FARP1: variants seen among roughly 807,000 people sequenced by gnomAD.
FARP1 encodes the protein FERM, ARH/RhoGEF and pleckstrin domain protein 1.
Under a neutral mutation model 128.8 loss-of-function variants are expected in FARP1, and 52 were observed. The observed-to-expected ratio is 0.40, with a 90% CI of 0.32 to 0.51. The LOEUF is 0.51. FARP1 is among the 20% of genes least tolerant of loss of function. The pLI is 0.45. For synonymous variants in FARP1, 580 were observed against 551.8 expected (o/e 1.05, Z -0.72); for missense variants, 1,333 against 1,367.9 (o/e 0.97, Z 0.40).
chr13:98,232,475 T>C (rs9554453), intron 2 of FARP1, among the ~76,000 whole-genome samples: 26,033 of 152,174 alleles, frequency 0.17, 5,488 homozygotes, highest in East Asian at 0.5. Flanking sequence ...TTGCAGATAT[T>C]GCGTTTTTTA....
At chr13:98,207,974 A>G (rs1880393444) in intron 1 of FARP1, among the ~76,000 whole-genome samples, 1 of 141,008 alleles carries the variant, frequency 7.1e-6, no homozygotes, top group Admixed American at 7.4e-5. Flanking sequence ...ACACACTTTG[A>G]TTCATTGGCC....
intron 2 of FARP1, 28 bp from the exon 3 acceptor site, chr13:98,343,734 G>T: frequency 6.6e-7 from 1 of 1,522,350 alleles, no homozygotes; most frequent in East Asian, 2.2e-5. Context: ...CCTGCCTCAG[G>T]GATAACCCCT....
At chr13:98,187,329 C>T (rs1566718101) in intron 1 of FARP1, among the ~76,000 whole-genome samples, 1 of 151,982 alleles carries the variant, frequency 6.6e-6, no homozygotes, top group East Asian at 1.9e-4. Context: ...ATGTGATAGC[C>T]CAATTAAGAG....
intron 25 of FARP1, chr13:98,446,414 C>T: frequency 1.7e-6 from 1 of 602,044 alleles, no homozygotes; most frequent in Non-Finnish European, 2.9e-6. Flanking sequence ...AACTTCTGCC[C>T]TAGGAAGGGC....
At chr13:98,423,031 T>A (rs1316439064) in intron 16 of FARP1, among the ~76,000 whole-genome samples, 1 of 152,182 alleles carries the variant, frequency 6.6e-6, no homozygotes, top group Non-Finnish European at 1.5e-5. Flanking sequence ...GCTGAAGAAC[T>A]TGGGGTCTGA....
At position 98,409,950 on chromosome 13, in the gene FARP1, T is replaced by A. The variant is rs537498281; in HGVS notation, c.1602+425T>A. Among the ~76,000 whole-genome samples the A allele has an allele frequency of 1.1e-4, 16 of 152,378 alleles. No homozygotes were observed. The South Asian group carries it at 3.3e-3, about 32-fold the overall frequency. ...TGAGAATTGCCTGCCATTTGAGGGC[T>A]GAGTGATGTCCCGCTGTGTGTATAA... On this transcript the variant is annotated intron_variant, in intron 14 of 26. Transcript: ENST00000319562.
chr13:98,395,352 G>C lies in FARP1; in HGVS notation c.1290G>C (p.Pro430=). ...GEPGSHPSPA[P]RRSPAGNKQA... ...CGGGGTCGCACCCGAGCCCTGCGCC[G>C]AGGAGAAGCCCCGCGGGTAACAAGC... Residue 430 remains proline, a synonymous_variant, in exon 13 of 27, where the codon CCG becomes CCC. Coordinates refer to ENST00000319562, the MANE Select transcript of FARP1 (RefSeq NM_005766.4). 6.2e-7 allele frequency: 1 copy of C among 1,611,708 alleles called. No individual in the cohort carries two copies. The highest frequency in any genetic ancestry group is 8.5e-7 in the Non-Finnish European group (1 of 1,178,960).
intron 2 of FARP1, among the ~76,000 whole-genome samples, chr13:98,325,980 T>C (rs141449438): frequency 2.0e-5 from 3 of 152,348 alleles, no homozygotes; most frequent in Non-Finnish European, 4.4e-5. Context: ...TAGAGGGACA[T>C]TGAGTGAAAA....
At chr13:98,204,237 T>C (rs912729920) in intron 1 of FARP1, 36 of 152,262 alleles carry the variant, frequency 2.4e-4, no homozygotes, top group African/African-American at 8.0e-4. Flanking sequence ...TCTGTCTTTT[T>C]TGTTATAACC....
At chr13:98,275,682 ATTAG>A (rs1350821446) in intron 2 of FARP1, among the ~76,000 whole-genome samples, 9 of 148,278 alleles carry the variant, frequency 6.1e-5, no homozygotes, top group African/African-American at 1.8e-4. Context: ...GATTGTGACA[ATTAG>A]TTAGTATATA....
intron 1 of FARP1, among the ~76,000 whole-genome samples, chr13:98,189,138 T>G (rs1879071395): frequency 6.6e-6 from 1 of 152,124 alleles, no homozygotes; most frequent in African/African-American, 2.4e-5. Context: ...AATGTACTCC[T>G]TAACAAGGAG....
At chr13:98,247,463 T>A (rs990729350) in intron 2 of FARP1, among the ~76,000 whole-genome samples, 31 of 152,080 alleles carry the variant, frequency 2.0e-4, no homozygotes, top group African/African-American at 7.5e-4. Flanking sequence ...GACACCCCAG[T>A]ATGACTGGCT....
chr13:98,177,399 G>T (rs1394751141), intron 1 of FARP1: 2 of 553,340 alleles, frequency 3.6e-6, no homozygotes, highest in Non-Finnish European at 6.1e-6. Context: ...GTAATCCCGG[G>T]ACACTGGGAG....
intron 2 of FARP1, among the ~76,000 whole-genome samples, chr13:98,238,601 G>A (rs529140258): frequency 2.6e-4 from 39 of 152,162 alleles, no homozygotes; most frequent in Non-Finnish European, 5.0e-4. Flanking sequence ...GGCAAAGAGA[G>A]AGTGTGCAGG....
chr13:98,444,261 C>T (rs975205388), intron 24 of FARP1, among the ~76,000 whole-genome samples: 3 of 152,100 alleles, frequency 2.0e-5, no homozygotes, highest in African/African-American at 7.2e-5. Flanking sequence ...TTGACTCGAT[C>T]GCATCTGCAG....
intron 2 of FARP1, among the ~76,000 whole-genome samples, chr13:98,315,598 C>G (rs1167562525): frequency 2.0e-5 from 3 of 152,170 alleles, no homozygotes; most frequent in African/African-American, 7.2e-5. Context: ...GTAGGAAAAA[C>G]CAGGCTGTGT....
chr13:98,165,934 C>T (rs1404605982), intron 1 of FARP1, among the ~76,000 whole-genome samples: 2 of 151,680 alleles, frequency 1.3e-5, no homozygotes, highest in Non-Finnish European at 2.9e-5. Flanking sequence ...TGGCCAGGCT[C>T]GTCTCGACCT....
At chr13:98,435,489 T>G in intron 18 of FARP1, 87 bp from the exon 19 acceptor site, 1 of 1,367,698 alleles carries the variant, frequency 7.3e-7, no homozygotes, top group Admixed American at 2.3e-5. Flanking sequence ...CTGGAGTGAT[T>G]TCCCTGCAGC....
chr13:98,435,945 T>C, intron 19 of FARP1: 1 of 583,456 alleles, frequency 1.7e-6, no homozygotes, highest in Non-Finnish European at 3.3e-6. Flanking sequence ...GGTGATTCGC[T>C]TCTTTACCTT....
Sources: allele counts gnomAD v4.1 joint callset (sites outside exome capture counted in the v4.1 genomes callset), GRCh38; gene constraint gnomAD v4.1.1; transcripts MANE v1.5; gene names NCBI Gene and HGNC (gene_info 2026-07-23, HGNC 2026-07-21).